The following SLC24A3 variants were observed in gnomAD, a reference collection of about 807,000 sequenced individuals.
SLC24A3 encodes solute carrier family 24 member 3.
SLC24A3 carries 28 observed loss-of-function variants against 75.8 expected under a neutral mutation model. The ratio of observed to expected loss-of-function variants is 0.37; its 90% CI spans 0.27 to 0.51. SLC24A3 has a LOEUF of 0.51. Among genes scored for constraint, SLC24A3 ranks in the 20% least tolerant of loss-of-function variants. SLC24A3 has a pLI of 0.94. For synonymous variants in SLC24A3, 372 were observed against 334.1 expected (o/e 1.11, Z -1.24); for missense variants, 663 against 847.8 (o/e 0.78, Z 2.71).
chr20:19,405,390 A>G (rs1198434086), intron 2 of SLC24A3, among the ~76,000 whole-genome samples: 21 of 152,156 alleles, frequency 1.4e-4, no homozygotes, highest in Admixed American at 1.4e-3. Context: ...AGTAAAAGTT[A>G]CTGTTAGGAA....
At chr20:19,679,928 CAG>C (rs1419486186) in intron 9 of SLC24A3, among the ~76,000 whole-genome samples, 1 of 151,600 alleles carries the variant, frequency 6.6e-6, no homozygotes, top group South Asian at 2.1e-4. Flanking sequence ...GTTTGCTCTG[CAG>C]AGTTGCCCAC....
chr20:19,634,088 G>A (rs2031970404), intron 6 of SLC24A3, among the ~76,000 whole-genome samples: 1 of 152,106 alleles, frequency 6.6e-6, no homozygotes, highest in African/African-American at 2.4e-5. Context: ...TATTTTTATA[G>A]GCATGGCCAT....
chr20:19,248,949 A>C (rs1982573173), intron 1 of SLC24A3, among the ~76,000 whole-genome samples: 1 of 151,004 alleles, frequency 6.6e-6, no homozygotes, highest in Non-Finnish European at 1.5e-5. Flanking sequence ...GACACATAGA[A>C]GCAGGGAACA....
intron 2 of SLC24A3, among the ~76,000 whole-genome samples, chr20:19,492,431 G>A (rs7267474): frequency 0.022 from 3,381 of 152,278 alleles, 141 homozygotes; most frequent in African/African-American, 0.075. Flanking sequence ...TTGAGACAAC[G>A]CATCTGTAGC....
intron 2 of SLC24A3, among the ~76,000 whole-genome samples, chr20:19,417,170 C>T (rs904691403): frequency 9.9e-5 from 15 of 152,072 alleles, no homozygotes; most frequent in African/African-American, 3.6e-4. Context: ...AAAATAGACC[C>T]GTGAACAACC....
chr20:19,626,024 G>A (rs576503753), intron 6 of SLC24A3, among the ~76,000 whole-genome samples: 1 of 151,864 alleles, frequency 6.6e-6, no homozygotes, highest in South Asian at 2.1e-4. Context: ...CCTGAGTTTA[G>A]CCCACCTGAC....
At chr20:19,266,406 T>C (rs1354534021) in intron 1 of SLC24A3, among the ~76,000 whole-genome samples, 1 of 152,222 alleles carries the variant, frequency 6.6e-6, no homozygotes, top group Non-Finnish European at 1.5e-5. Context: ...GTATTTCTTT[T>C]CCCTCTGCCT....
intron 2 of SLC24A3, among the ~76,000 whole-genome samples, chr20:19,460,580 T>C (rs1600238648): frequency 6.6e-6 from 1 of 151,948 alleles, no homozygotes; most frequent in African/African-American, 2.4e-5. Context: ...GGATGCAGAG[T>C]GAATTAGCAG....
chr20:19,662,659 C>T (rs1347977747), intron 7 of SLC24A3, among the ~76,000 whole-genome samples: 1 of 152,224 alleles, frequency 6.6e-6, no homozygotes, highest in East Asian at 1.9e-4. Flanking sequence ...TTCTTCTACA[C>T]TAGTAATACT....
intron 2 of SLC24A3, among the ~76,000 whole-genome samples, chr20:19,316,561 A>C (rs1984593134): frequency 6.6e-6 from 1 of 152,226 alleles, no homozygotes; most frequent in South Asian, 2.1e-4. Flanking sequence ...TAGCATTTTC[A>C]AAAATTCTGG....
At chr20:19,620,586 T>C (rs191378043) in intron 6 of SLC24A3, among the ~76,000 whole-genome samples, 16 of 152,344 alleles carry the variant, frequency 1.1e-4, no homozygotes, top group African/African-American at 3.8e-4. Flanking sequence ...TTGTCCTAGC[T>C]GTCACTGGGA....
chr20:19,627,660 C>T (rs1366001807), intron 6 of SLC24A3, among the ~76,000 whole-genome samples: 4 of 152,080 alleles, frequency 2.6e-5, no homozygotes, highest in African/African-American at 9.7e-5. Flanking sequence ...TAAGTCATGC[C>T]TGATCAACAT....
chr20:19,543,461 T>C (rs796294429), intron 3 of SLC24A3, among the ~76,000 whole-genome samples: 7 of 152,324 alleles, frequency 4.6e-5, no homozygotes, highest in African/African-American at 1.7e-4. Context: ...AGTGAGTACT[T>C]ACTGATATCC....
At chr20:19,378,257 T>G (rs972846046) in intron 2 of SLC24A3, among the ~76,000 whole-genome samples, 1 of 151,668 alleles carries the variant, frequency 6.6e-6, no homozygotes, top group Non-Finnish European at 1.5e-5. Flanking sequence ...TCTACAACAG[T>G]GCACAGAGCT....
intron 2 of SLC24A3, among the ~76,000 whole-genome samples, chr20:19,442,388 TG>T (rs1987311475): frequency 6.6e-6 from 1 of 152,224 alleles, no homozygotes; most frequent in Non-Finnish European, 1.5e-5. Context: ...GTCAGTCTTT[TG>T]GATTTTGGCC....
intron 6 of SLC24A3, among the ~76,000 whole-genome samples, chr20:19,633,720 T>C (rs893761475): frequency 2.6e-5 from 4 of 151,368 alleles, no homozygotes; most frequent in Non-Finnish European, 5.9e-5. Context: ...TCACTTTAAG[T>C]TAGTTCCCTC....
chr20:19,339,602 G>C (rs945422996), intron 2 of SLC24A3, among the ~76,000 whole-genome samples: 1 of 152,154 alleles, frequency 6.6e-6, no homozygotes, highest in African/African-American at 2.4e-5. Flanking sequence ...CTCCCACATG[G>C]TGTTTTAGAG....
At chr20:19,301,251 A>C (rs1313233927) in intron 2 of SLC24A3, among the ~76,000 whole-genome samples, 4 of 152,176 alleles carry the variant, frequency 2.6e-5, no homozygotes, top group Non-Finnish European at 5.9e-5. Flanking sequence ...AGGACTTTGA[A>C]AATATCCAAA....
At chr20:19,293,364 GA>G (rs1248275291) in intron 2 of SLC24A3, among the ~76,000 whole-genome samples, 1 of 152,038 alleles carries the variant, frequency 6.6e-6, no homozygotes, top group African/African-American at 2.4e-5. Flanking sequence ...CTCGGAAAGG[GA>G]TGTTTCCTGG....
Sources: gnomAD v4.1 joint callset for allele counts (sites outside exome capture counted in the v4.1 genomes callset) on GRCh38, gnomAD v4.1.1 for gene constraint, MANE v1.5 for transcripts, NCBI Gene and HGNC (gene_info 2026-07-23, HGNC 2026-07-21) for gene names.